The following SERPINA12 variants were observed in gnomAD, a reference collection of about 807,000 sequenced individuals.
SERPINA12 encodes the protein serpin family A member 12, also known as serpin A12.
SERPINA12 carries 21 observed loss-of-function variants against 25.9 expected under a neutral mutation model. The ratio of observed to expected loss-of-function variants is 0.81; its 90% confidence interval spans 0.58 to 1.17. SERPINA12 has a LOEUF of 1.17. SERPINA12 is among the 50% of genes most tolerant of loss of function. The pLI is 0.00. For missense variants in SERPINA12, 562 were observed against 508.3 expected (o/e 1.11, Z -1.02); for synonymous variants, 220 against 196.0 (o/e 1.12, Z -1.02).
chr14:94,489,279 AAAAG>A (rs548322759), intron 4 of SERPINA12, among the ~76,000 whole-genome samples: 30 of 150,126 alleles, frequency 2.0e-4, no homozygotes, highest in Middle Eastern at 3.4e-3. Flanking sequence ...AGAAAGAAAG[AAAAG>A]AAAGAAAGAA....
intron 3 of SERPINA12, among the ~76,000 whole-genome samples, chr14:94,494,194 C>T (rs1480841270): frequency 6.6e-6 from 1 of 152,134 alleles, no homozygotes; most frequent in South Asian, 2.1e-4. Context: ...CATTTCTTAC[C>T]TTCTCTTCAT....
intron 1 of SERPINA12, 52 bp from the exon 2 acceptor site, chr14:94,498,482 C>T (rs1432152115): frequency 2.8e-6 from 4 of 1,411,388 alleles, no homozygotes; most frequent in African/African-American, 1.4e-5. Context: ...TACATGTTAC[C>T]CAGAGGAAGA....
chr14:94,495,061 T>TTTATTTA (rs1478878265), intron 3 of SERPINA12, among the ~76,000 whole-genome samples: 1 of 122,868 alleles, frequency 8.1e-6, no homozygotes, highest in African/African-American at 3.4e-5. Flanking sequence ...AGAATTTCCC[T>TTTATTTA]TTCTTTTTTT....
At chr14:94,502,565 C>T (rs1376158835) in intron 1 of SERPINA12, among the ~76,000 whole-genome samples, 1 of 152,230 alleles carries the variant, frequency 6.6e-6, no homozygotes, top group East Asian at 1.9e-4. Flanking sequence ...AGAAGGTCTA[C>T]TCAGTGCACA....
intron 3 of SERPINA12, among the ~76,000 whole-genome samples, chr14:94,494,977 C>T (rs1043821650): frequency 6.6e-6 from 1 of 151,790 alleles, no homozygotes; most frequent in Admixed American, 6.6e-5. Flanking sequence ...CAAGGGATGG[C>T]AACGCTCTTG....
chr14:94,516,532 G>A lies in SERPINA12; in HGVS notation c.-352-378C>T, dbSNP rs117915023. Among the ~76,000 whole-genome samples the A allele has an allele frequency of 1.8e-3, 275 of 152,222 alleles. 9 individuals are homozygous for A. The East Asian group carries it at 0.049, about 27-fold the overall frequency. ...ACCAGGTGCACCAGCAGGTGAAGGGGGGCAGCGCCTAGCACCCCACACCAA... is the reference window on the plus strand; with the variant it reads ...ACCAGGTGCACCAGCAGGTGAAGGGAGGCAGCGCCTAGCACCCCACACCAA... On this transcript the variant is annotated intron_variant, in intron 1 of 5. Transcript: ENST00000341228.
upstream of SERPINA12, chr14:94,509,953 G>A (rs371022677): frequency 2.2e-4 from 218 of 984,452 alleles, 1 homozygote; most frequent in African/African-American, 2.7e-3. Context: ...AATACCAGCC[G>A]CCTGGCACAG....
At position 94,500,870 on chromosome 14, in the gene SERPINA12, G is replaced by A. The variant is rs552600760; in HGVS notation, c.-33-2440C>T. On this transcript the variant is annotated intron_variant, in intron 1 of 4. Coordinates refer to ENST00000677451, the MANE Select transcript of SERPINA12 (RefSeq NM_001382267.1). The stretch of plus-strand genomic sequence containing the variant: ...AGCCAAAAACATCCTCACAAATACG[G>A]GCAGATACATATTTTTTAAAACGCC... 5 of 985,274 alleles carry A rather than the reference G, an allele frequency of 5.1e-6. No homozygotes were observed. The East Asian group carries it at 5.7e-4, about 112-fold the overall frequency. The allele number at this position is 985,274 out of a possible 1,614,324, so 61.0% of individuals were successfully genotyped here.
chr14:94,496,058 C>T (rs965523215), intron 3 of SERPINA12, among the ~76,000 whole-genome samples: 1 of 152,292 alleles, frequency 6.6e-6, no homozygotes, highest in Non-Finnish European at 1.5e-5. Context: ...CTTTGCTCCT[C>T]ACCCTTTCAT....
chr14:94,490,007 G>T (rs1467905010), intron 3 of SERPINA12, among the ~76,000 whole-genome samples: 1 of 151,916 alleles, frequency 6.6e-6, no homozygotes. Flanking sequence ...TACAGGGAGT[G>T]TTCTCAAGTC....
At chr14:94,494,457 G>T (rs1037924278) in intron 3 of SERPINA12, among the ~76,000 whole-genome samples, 4 of 152,294 alleles carry the variant, frequency 2.6e-5, no homozygotes, top group Admixed American at 2.0e-4. Context: ...GGAAAATTCT[G>T]GTTCTGAATG....
At chr14:94,511,553 G>T (rs1901110792), upstream of SERPINA12, 6 of 985,272 alleles carry the variant, frequency 6.1e-6, no homozygotes, top group South Asian at 4.7e-5. Flanking sequence ...TCTAGTATTT[G>T]TCGGGTTGGT....
In SERPINA12 at chr14:94,507,404, G is replaced by C. The variant is rs916362693; in HGVS notation, c.-34+1938C>G. 4.6e-5 allele frequency among the ~76,000 whole-genome samples: 7 copies of C among 152,132 alleles called. No homozygotes were observed. The East Asian group carries it at 1.2e-3, about 25-fold the overall frequency. On this transcript the variant is annotated intron_variant, in intron 1 of 4. Transcript: ENST00000677451. ...AGCCTTGTTCCTCTAAAATTACCTA[G>C]GACAGTACAAAGGCAAGTCACAAGC... is the stretch of plus-strand genomic sequence containing the variant.
rs140437112 is a variant in SERPINA12, at chr14:94,489,059, T to A, written c.1053+561A>T. ...TTGCAGTGAGCTGAGATCGCACCAC[T>A]GTACTCCAGCCTGGGTGACAGTGCA... On this transcript the variant is annotated intron_variant, in intron 4 of 4. Coordinates refer to ENST00000677451, the MANE Select transcript of SERPINA12 (RefSeq NM_001382267.1). Among the ~76,000 whole-genome samples, 213 of 150,716 alleles carry A rather than the reference T, an allele frequency of 1.4e-3. 2 individuals are homozygous for A. The highest frequency in any genetic ancestry group is 5.0e-3 in the African/African-American group (204 of 40,960).
intron 1 of SERPINA12, among the ~76,000 whole-genome samples, chr14:94,499,844 G>A (rs753478949): frequency 2.6e-5 from 4 of 152,170 alleles, no homozygotes; most frequent in Non-Finnish European, 5.9e-5. Context: ...GGATAGAATC[G>A]GTCAGTTGGT....
At chr14:94,498,605 A>T (rs1334808640) in intron 1 of SERPINA12, among the ~76,000 whole-genome samples, 175 bp from the exon 2 acceptor site, 3 of 152,198 alleles carry the variant, frequency 2.0e-5, no homozygotes, top group African/African-American at 7.2e-5. Flanking sequence ...ACTAGAAATG[A>T]CTTCTACACT....
At chr14:94,489,359 T>C (rs1415143902) in intron 4 of SERPINA12, among the ~76,000 whole-genome samples, 1 of 152,186 alleles carries the variant, frequency 6.6e-6, no homozygotes, top group Non-Finnish European at 1.5e-5. Context: ...CTGATAACTG[T>C]TCCAGGCCTT....
intron 1 of SERPINA12, among the ~76,000 whole-genome samples, chr14:94,505,057 C>T (rs1900884112): frequency 2.6e-5 from 4 of 152,198 alleles, no homozygotes; most frequent in Admixed American, 2.6e-4. Flanking sequence ...TAATGAGCTC[C>T]AGTGAGCAGA....
rs961390313 is a variant in SERPINA12, at chr14:94,487,387, G to A, written c.1161C>T (p.Asp387=). The change falls in exon 5 of 5, where the codon GAC becomes GAT. Residue 387 remains aspartate (D), a synonymous_variant. Coordinates refer to ENST00000677451, the MANE Select transcript of SERPINA12 (RefSeq NM_001382267.1). ...TGTAAATCAGCAGCAGATAGGGTTT[G>A]TCTATCTTGACGACGAGTGGTGTCT... ...PMETPLVVKI[D]KPYLLLIYSE... is the part of the protein sequence containing the mutation. 1.9e-6 allele frequency: 3 copies of A among 1,614,080 alleles called. No individual in the cohort carries two copies. Among genetic ancestry groups the A allele is most frequent in the Admixed American group, 3.3e-5 (2 of 60,026 alleles).
Sources: gnomAD v4.1 joint callset for allele counts (sites outside exome capture counted in the v4.1 genomes callset) on GRCh38, gnomAD v4.1.1 for gene constraint, MANE v1.5 for transcripts, NCBI Gene and HGNC (gene_info 2026-07-23, HGNC 2026-07-21) for gene names.